Variants in CRACD observed in about 807,000 individuals in gnomAD.
CRACD encodes capping protein-inhibiting regulator of actin dynamics.
Under a neutral mutation model 106.8 loss-of-function variants are expected in CRACD, and 56 were observed. That is an observed-to-expected ratio of 0.52 (90% confidence interval 0.42 to 0.66). CRACD has a LOEUF of 0.66. CRACD is among the 30% of genes least tolerant of loss of function. The pLI, the probability that CRACD is intolerant of heterozygous loss-of-function variation, is 0.00. For synonymous variants in CRACD, 754 were observed against 670.8 expected, an observed-to-expected ratio of 1.12 and a Z score of -1.92; for missense variants, 1,730 against 1,623.2, an observed-to-expected ratio of 1.07 and a Z score of -1.13.
chr4:56,284,877 G>A (rs2109682326), intron 3 of CRACD, among the ~76,000 whole-genome samples: 1 of 152,314 alleles, frequency 6.6e-6, no homozygotes, highest in South Asian at 2.1e-4. Flanking sequence ...AGGGACAAAA[G>A]GGAGCAAGAA....
At chr4:56,066,156 TC>T (rs1732460004) in intron 1 of CRACD, among the ~76,000 whole-genome samples, 1 of 152,198 alleles carries the variant, frequency 6.6e-6, no homozygotes, top group Non-Finnish European at 1.5e-5. Context: ...GTCAGCTAGT[TC>T]TGAGGATGCT....
At chr4:56,200,467 G>A (rs902716142) in intron 2 of CRACD, among the ~76,000 whole-genome samples, 15 of 152,136 alleles carry the variant, frequency 9.9e-5, no homozygotes, top group Non-Finnish European at 1.6e-4. Flanking sequence ...TCTGTAAGTT[G>A]CCATAGGATA....
chr4:56,287,915 C>A (rs1743463379), intron 3 of CRACD, among the ~76,000 whole-genome samples: 1 of 152,300 alleles, frequency 6.6e-6, no homozygotes, highest in African/African-American at 2.4e-5. Context: ...CCCTGTAAAC[C>A]TCTGTGAGTT....
chr4:56,086,036 T>C (rs1577953354), intron 1 of CRACD, among the ~76,000 whole-genome samples: 1 of 152,214 alleles, frequency 6.6e-6, no homozygotes, highest in East Asian at 1.9e-4. Context: ...AGATTTCTTA[T>C]TGCATACTCA....
intron 3 of CRACD, among the ~76,000 whole-genome samples, chr4:56,277,497 C>T (rs1742742364): frequency 6.6e-6 from 1 of 151,514 alleles, no homozygotes; most frequent in African/African-American, 2.4e-5. Context: ...AAGGAAACTC[C>T]TTCAACTTGA....
chr4:56,151,189 G>A (rs1467779666), intron 1 of CRACD, among the ~76,000 whole-genome samples: 1 of 152,100 alleles, frequency 6.6e-6, no homozygotes, highest in African/African-American at 2.4e-5. Context: ...TAGAGACGGG[G>A]TTTTGCCATG....
chr4:56,270,222 C>CTT (rs34169072), intron 2 of CRACD, among the ~76,000 whole-genome samples: 1 of 147,810 alleles, frequency 6.8e-6, no homozygotes, highest in African/African-American at 2.5e-5. Flanking sequence ...TTTTCTTTTT[C>CTT]TTTTTTTTTT....
chr4:56,315,841 G>C lies in CRACD; in HGVS notation c.2339G>C (p.Arg780Pro). The change falls in exon 8 of 11, where the codon CGG (arginine) becomes CCG (proline). Residue 780 changes from arginine to proline, a missense_variant. Coordinates refer to ENST00000682029, the MANE Select transcript of CRACD (RefSeq NM_001393381.1). This position sits in a 1 kb window ranked among gnomAD's most constrained non-coding sequence, Gnocchi z 4.1. ...GGTCCGGAGAAGTCGGAGATGCACC[G>C]GGAGCCCGCAGACACCACCGAGGGA... The part of the protein sequence containing the change: ...GKGPEKSEMH[R>P]EPADTTEGCK... The C allele has an allele frequency of 6.2e-7, 1 of 1,614,094 alleles. No homozygotes were observed. Among genetic ancestry groups the C allele is most frequent in the African/African-American group, 1.3e-5 (1 of 75,030 alleles).
chr4:56,235,698 T>C (rs1040443881), intron 2 of CRACD, among the ~76,000 whole-genome samples: 2 of 152,186 alleles, frequency 1.3e-5, no homozygotes, highest in Non-Finnish European at 2.9e-5. Context: ...TGACAGTAGA[T>C]TCAGCTTTTG....
At chr4:56,072,323 T>C (rs1732688979) in intron 1 of CRACD, among the ~76,000 whole-genome samples, 2 of 152,200 alleles carry the variant, frequency 1.3e-5, no homozygotes, top group Non-Finnish European at 2.9e-5. Context: ...AATGAATAGA[T>C]ACCTATACTA....
chr4:56,138,694 G>A (rs1214246817), intron 1 of CRACD, among the ~76,000 whole-genome samples: 1 of 152,072 alleles, frequency 6.6e-6, no homozygotes, highest in Admixed American at 6.6e-5. Context: ...TTTGTAAAAG[G>A]ACAGGTTATC....
intron 1 of CRACD, among the ~76,000 whole-genome samples, chr4:56,116,403 T>C (rs1734279421): frequency 6.6e-6 from 1 of 152,240 alleles, no homozygotes. Context: ...CTGTTCATTT[T>C]ACAAGGTCAG....
At chr4:56,306,748 A>C (rs985225713) in intron 4 of CRACD, among the ~76,000 whole-genome samples, 2 of 151,410 alleles carry the variant, frequency 1.3e-5, no homozygotes, top group Non-Finnish European at 2.9e-5. Flanking sequence ...TTTCTACCCC[A>C]TTTTCCCCTC....
intron 1 of CRACD, among the ~76,000 whole-genome samples, chr4:56,114,583 A>AT (rs1233900220): frequency 1.3e-5 from 2 of 151,548 alleles, no homozygotes; most frequent in Non-Finnish European, 2.9e-5. Flanking sequence ...CCTTTTCTTA[A>AT]TTTTTTTTTC....
chr4:56,314,115 C>A lies in CRACD; in HGVS notation c.613C>A (p.Pro205Thr). Reference sequence around the variant, plus strand: ...GAACGGACACCCAGGCGAGGACAAGCCAACGTGGCACGAAGAGGAACCCAA... The same window carrying A: ...GAACGGACACCCAGGCGAGGACAAGACAACGTGGCACGAAGAGGAACCCAA... Reference protein sequence around the residue: ...DQNGHPGEDKPTWHEEEPNPL... With the variant: ...DQNGHPGEDKTTWHEEEPNPL... Residue 205 changes from proline (P) to threonine (T), a missense_variant, in exon 8 of 11, where the codon CCA (proline) becomes ACA (threonine). Physicochemically the swap from Pro to Thr is conservative, Grantham distance 38. This residue lies in a region of CRACD where 1,620 missense variants were observed against 1,481.6 expected (regional missense o/e 1.09). Transcript: ENST00000682029. The surrounding 1 kb of genome is among the most constrained non-coding windows in gnomAD (Gnocchi z 4.4). The A allele has an allele frequency of 6.2e-7, 1 of 1,614,146 alleles. No homozygotes were observed. Among genetic ancestry groups the A allele is most frequent in the Non-Finnish European group, 8.5e-7 (1 of 1,180,036 alleles).
At chr4:56,054,589 CATAG>C (rs1731990631) in intron 1 of CRACD, among the ~76,000 whole-genome samples, 1 of 152,174 alleles carries the variant, frequency 6.6e-6, no homozygotes, top group Admixed American at 6.5e-5. Flanking sequence ...TTTAGGTTTA[CATAG>C]ATGTATGATT....
intron 2 of CRACD, among the ~76,000 whole-genome samples, chr4:56,264,557 A>G (rs934251607): frequency 6.6e-6 from 1 of 152,190 alleles, no homozygotes; most frequent in Non-Finnish European, 1.5e-5. Flanking sequence ...GCCTCTCACC[A>G]TCTGTTCAGG....
intron 8 of CRACD, among the ~76,000 whole-genome samples, chr4:56,320,224 A>C (rs988110043): frequency 2.6e-5 from 4 of 152,136 alleles, no homozygotes; most frequent in Non-Finnish European, 5.9e-5. Flanking sequence ...ATAAAACAGA[A>C]AAATAGCTTA....
At chr4:56,062,530 T>C (rs1732314234) in intron 1 of CRACD, among the ~76,000 whole-genome samples, 1 of 152,220 alleles carries the variant, frequency 6.6e-6, no homozygotes, top group South Asian at 2.1e-4. Flanking sequence ...GATACCAGGT[T>C]GAGCAAACTG....
Sources: allele counts gnomAD v4.1 joint callset (sites outside exome capture counted in the v4.1 genomes callset), GRCh38; gene constraint gnomAD v4.1.1; regional missense constraint gnomAD v4.1.1; non-coding constraint Gnocchi (gnomAD v3.1); transcripts MANE v1.5; gene names NCBI Gene and HGNC (gene_info 2026-07-23, HGNC 2026-07-21).